The following CSMD1 variants were observed in gnomAD, a reference collection of about 807,000 sequenced individuals.
CSMD1 encodes CUB and sushi domain-containing protein 1.
Under a neutral mutation model 417.5 loss-of-function variants are expected in CSMD1, and 213 were observed. The ratio of observed to expected loss-of-function variants is 0.51; its 90% CI spans 0.46 to 0.57. The LOEUF (loss-of-function observed/expected upper bound fraction) is 0.57. Among genes scored for constraint, CSMD1 ranks in the 20% least tolerant of loss-of-function variants. The probability of loss-of-function intolerance (pLI) is 0.00; values close to 1 mark genes in which losing one functional copy is unlikely to be tolerated. For synonymous variants in CSMD1, 2,862 were observed against 1,736.8 expected (o/e 1.65, Z -16.11); for missense variants, 6,923 against 4,529.7 (o/e 1.53, Z -15.17).
chr8:4,670,412 T>C (rs1037669685), intron 1 of CSMD1, among the ~76,000 whole-genome samples: 1 of 152,142 alleles, frequency 6.6e-6, no homozygotes, highest in Middle Eastern at 3.4e-3. Flanking sequence ...GGAAAGAAAA[T>C]GTGTGTTTTG....
intron 3 of CSMD1, among the ~76,000 whole-genome samples, chr8:4,125,676 C>G (rs1802721877): frequency 6.6e-6 from 1 of 152,170 alleles, no homozygotes; most frequent in Non-Finnish European, 1.5e-5. Context: ...TTTAAGTTGT[C>G]CTTGTTCATT....
At chr8:4,110,341 C>A (rs188393919) in intron 3 of CSMD1, among the ~76,000 whole-genome samples, 1 of 152,088 alleles carries the variant, frequency 6.6e-6, no homozygotes, top group Non-Finnish European at 1.5e-5. Flanking sequence ...TGGCCTCTAA[C>A]TTCAGCCTAT....
At chr8:3,908,307 G>T (rs549745636) in intron 5 of CSMD1, among the ~76,000 whole-genome samples, 1 of 152,128 alleles carries the variant, frequency 6.6e-6, no homozygotes, top group Non-Finnish European at 1.5e-5. Flanking sequence ...TATCATGAAA[G>T]GAAATGTGAA....
chr8:3,944,703 G>A (rs1056175099), intron 5 of CSMD1, among the ~76,000 whole-genome samples: 2 of 152,122 alleles, frequency 1.3e-5, no homozygotes, highest in Non-Finnish European at 1.5e-5. Context: ...AAATGCCTCA[G>A]GACATTTGTC....
chr8:3,610,731 T>A (rs1801851151), intron 8 of CSMD1, among the ~76,000 whole-genome samples: 1 of 152,114 alleles, frequency 6.6e-6, no homozygotes, highest in African/African-American at 2.4e-5. Context: ...CAATTATAAT[T>A]TTTATGCTCA....
intron 1 of CSMD1, among the ~76,000 whole-genome samples, chr8:4,819,840 G>A (rs759362216): frequency 4.6e-5 from 7 of 152,124 alleles, no homozygotes; most frequent in Non-Finnish European, 1.0e-4. Flanking sequence ...AACCAGAAGA[G>A]CAAACGAGTG....
At chr8:4,309,236 CCA>C (rs1798425244) in intron 3 of CSMD1, among the ~76,000 whole-genome samples, 1 of 151,904 alleles carries the variant, frequency 6.6e-6, no homozygotes, top group Admixed American at 6.6e-5. Flanking sequence ...AGTGCAAGAC[CCA>C]TAATTTTAAT....
chr8:3,521,918 C>G (rs1394350967), intron 10 of CSMD1, among the ~76,000 whole-genome samples: 1 of 152,152 alleles, frequency 6.6e-6, no homozygotes, highest in Non-Finnish European at 1.5e-5. Context: ...GAGGCAAACC[C>G]AATTAAATCC....
chr8:4,635,869 G>C (rs570379306), intron 2 of CSMD1, among the ~76,000 whole-genome samples: 18 of 151,928 alleles, frequency 1.2e-4, no homozygotes, highest in Non-Finnish European at 2.2e-4. Context: ...ACCTGTTTCA[G>C]AAAAGAGACG....
chr8:3,432,226 G>T (rs890238290), intron 12 of CSMD1, among the ~76,000 whole-genome samples: 3 of 151,880 alleles, frequency 2.0e-5, no homozygotes, highest in East Asian at 1.9e-4. Context: ...TATGACTATG[G>T]AAAAATAAAA....
At chr8:3,616,444 A>G (rs1306069928) in intron 8 of CSMD1, among the ~76,000 whole-genome samples, 2 of 152,192 alleles carry the variant, frequency 1.3e-5, no homozygotes, top group Non-Finnish European at 2.9e-5. Context: ...CTATGAGTCA[A>G]TTAAACGTCT....
At chr8:3,987,271 G>T (rs997450367) in intron 5 of CSMD1, among the ~76,000 whole-genome samples, 1 of 152,162 alleles carries the variant, frequency 6.6e-6, no homozygotes, top group African/African-American at 2.4e-5. Context: ...ACACAGCCCA[G>T]TGTTTCTGTA....
At chr8:3,790,768 G>A (rs1264317200) in intron 5 of CSMD1, among the ~76,000 whole-genome samples, 1 of 152,126 alleles carries the variant, frequency 6.6e-6, no homozygotes, top group South Asian at 2.1e-4. Flanking sequence ...AATAACTGCT[G>A]AGTATAGTGA....
chr8:4,414,428 C>G (rs1219779754), intron 3 of CSMD1, among the ~76,000 whole-genome samples: 1 of 152,066 alleles, frequency 6.6e-6, no homozygotes, highest in Non-Finnish European at 1.5e-5. Context: ...AATAAATGTT[C>G]AATGGATTAA....
At chr8:3,716,425 A>G (rs767143231) in intron 6 of CSMD1, among the ~76,000 whole-genome samples, 1 of 152,190 alleles carries the variant, frequency 6.6e-6, no homozygotes, top group Non-Finnish European at 1.5e-5. Context: ...ATGCTAAACA[A>G]GGGGTGGATT....
At chr8:3,743,576 T>C (rs954131362) in intron 6 of CSMD1, among the ~76,000 whole-genome samples, 2 of 152,106 alleles carry the variant, frequency 1.3e-5, no homozygotes, top group African/African-American at 4.8e-5. Context: ...CTCAAACTCA[T>C]TACGCCGAAG....
intron 26 of CSMD1, among the ~76,000 whole-genome samples, chr8:3,242,459 C>T (rs180858157): frequency 2.6e-5 from 4 of 151,966 alleles, no homozygotes; most frequent in Non-Finnish European, 5.9e-5. Flanking sequence ...AATGCCTGGA[C>T]GTCAGGCACC....
chr8:3,314,794 T>A (rs1805623019), intron 23 of CSMD1, among the ~76,000 whole-genome samples: 3 of 152,254 alleles, frequency 2.0e-5, no homozygotes, highest in African/African-American at 4.8e-5. Context: ...TGCTTTTAGC[T>A]TTCAAGTATT....
In CSMD1 at chr8:4,364,696, G is replaced by A. The variant is rs1205183222; in HGVS notation, c.415+55257C>T. On this transcript the variant is annotated intron_variant, in intron 3 of 69. Transcript: ENST00000635120. The stretch of plus-strand genomic sequence containing the variant: ...AAAAATTAGCCGGGCGTAGTGGCGG[G>A]CGCCTGTAGTCCCAGCTACTTGGGA... Among the ~76,000 whole-genome samples the A allele has an allele frequency of 6.8e-5, 4 of 58,454 alleles. 2 individuals carry two copies. Among genetic ancestry groups the A allele is most frequent in the Non-Finnish European group, 1.1e-4 (4 of 34,910 alleles). 38.3% of individuals were successfully genotyped at this position (58,454 alleles called of 152,430 possible).
Sources: allele counts gnomAD v4.1 joint callset (sites outside exome capture counted in the v4.1 genomes callset), GRCh38; gene constraint gnomAD v4.1.1; transcripts MANE v1.5; gene names NCBI Gene and HGNC (gene_info 2026-07-23, HGNC 2026-07-21).